Variants in ANKRD27 observed in about 807,000 individuals in gnomAD.
ANKRD27 encodes ankyrin repeat domain 27.
In ANKRD27, 112 loss-of-function variants were observed where a neutral mutation model predicts 129.7. That is an observed-to-expected ratio of 0.86 (90% confidence interval 0.74 to 1.01). The LOEUF (loss-of-function observed/expected upper bound fraction) is 1.01. ANKRD27 is among the 50% of genes least tolerant of loss of function. The pLI, the probability that ANKRD27 is intolerant of heterozygous loss-of-function variation, is 0.00. For missense variants in ANKRD27, 1,258 were observed against 1,300.5 expected (o/e 0.97, Z 0.50); for synonymous variants, 516 against 511.2 (o/e 1.01, Z -0.13).
intron 1 of ANKRD27, among the ~76,000 whole-genome samples, chr19:32,661,748 G>A (rs770076735): frequency 7.9e-5 from 12 of 152,060 alleles, no homozygotes; most frequent in Non-Finnish European, 1.6e-4. Flanking sequence ...CCCATGGTCG[G>A]CCCTGTGGAA....
chr19:32,612,430 T>C (rs1971848547), intron 22 of ANKRD27, among the ~76,000 whole-genome samples: 1 of 152,184 alleles, frequency 6.6e-6, no homozygotes, highest in Non-Finnish European at 1.5e-5. Context: ...GTGAGTAAGT[T>C]AGTAAGTAAG....
At position 32,604,295 on chromosome 19, in the gene ANKRD27, G is replaced by A. The variant is rs148470330; in HGVS notation, c.2623C>T (p.Arg875Trp). 5.8e-5 allele frequency: 94 copies of A among 1,613,388 alleles called. No individual in the cohort carries two copies. The highest frequency in any genetic ancestry group is 6.9e-5 in the Non-Finnish European group (81 of 1,179,956). ...GCACAGTCTACAGCCGTGCGCTGCC[G>A]CTTGTTCAGCACCTGAACTGACGCT... ...HGASVQVLNKRQRTAVDCAEQ... is the reference protein window; with the variant it reads ...HGASVQVLNKWQRTAVDCAEQ... Residue 875 changes from arginine (R) to tryptophan (W), a missense_variant, in exon 25 of 29, where the codon CGG becomes TGG. Transcript: ENST00000306065.
At chr19:32,603,577 C>T (rs938447216) in intron 25 of ANKRD27, among the ~76,000 whole-genome samples, 3 of 152,188 alleles carry the variant, frequency 2.0e-5, no homozygotes, top group African/African-American at 7.2e-5. Flanking sequence ...AAGTCTCTGT[C>T]ACCCAGGCTG....
chr19:32,642,868 G>A (rs1022398667), intron 9 of ANKRD27, among the ~76,000 whole-genome samples: 4 of 152,252 alleles, frequency 2.6e-5, no homozygotes, highest in South Asian at 4.2e-4. Flanking sequence ...CCCACTTGGG[G>A]ACCAGCTGCA....
chr19:32,615,790 G>T lies in ANKRD27; in HGVS notation c.2053-10C>A. On this transcript the variant is annotated splice_polypyrimidine_tract_variant and intron_variant, in intron 21 of 28. Coordinates refer to ENST00000306065, the MANE Select transcript of ANKRD27 (RefSeq NM_032139.3). ...CCAACAGGTAACGCACCTGGTGATG[G>T]AGAGTAACGGAAACAGGAACACATC... is the stretch of plus-strand genomic sequence containing the variant. 6.2e-7 allele frequency: 1 copy of T among 1,609,638 alleles called. No individual in the cohort carries two copies. The highest frequency in any genetic ancestry group is 8.5e-7 in the Non-Finnish European group (1 of 1,177,144).
chr19:32,608,844 T>A (rs1407753523), intron 22 of ANKRD27, among the ~76,000 whole-genome samples: 4 of 151,720 alleles, frequency 2.6e-5, no homozygotes, highest in African/African-American at 4.8e-5. Flanking sequence ...CCCAGCTACA[T>A]TACAGGCATG....
intron 3 of ANKRD27, among the ~76,000 whole-genome samples, chr19:32,649,312 A>G (rs1393067133): frequency 6.6e-6 from 1 of 152,188 alleles, no homozygotes; most frequent in Non-Finnish European, 1.5e-5. Flanking sequence ...TTCATCCCTG[A>G]TGTCCTATTC....
In ANKRD27 at chr19:32,639,425, T is replaced by C; in HGVS notation, c.1047A>G (p.Gly349=). ...CAGCTTCGAATGAGGTCAGGCAGTATCCCAGTTCATCCTTTGCCAAGCTGC... is the reference window on the plus strand; with the variant it reads ...CAGCTTCGAATGAGGTCAGGCAGTACCCCAGTTCATCCTTTGCCAAGCTGC... ...RFSSLAKDEL[G]YCLTSFEAAI... Residue 349 remains glycine (G), a synonymous_variant, in exon 12 of 29, where the codon GGA becomes GGG. Transcript: ENST00000306065. 1.2e-6 allele frequency: 2 copies of C among 1,614,200 alleles called. No homozygotes were observed. Among genetic ancestry groups the C allele is most frequent in the South Asian group, 2.2e-5 (2 of 91,080 alleles).
chr19:32,642,938 G>A, intron 9 of ANKRD27, 185 bp downstream of exon 9: 1 of 626,156 alleles, frequency 1.6e-6, no homozygotes, highest in Non-Finnish European at 2.8e-6. Flanking sequence ...GTGGGAGGGG[G>A]ACGGCCACAC....
chr19:32,626,101 C>A (rs1490690427), intron 16 of ANKRD27, 135 bp from the exon 17 acceptor site: 4 of 592,134 alleles, frequency 6.8e-6, no homozygotes, highest in African/African-American at 3.8e-5. Context: ...TAAACCAACA[C>A]CCATCATTCC....
Position 32,628,711 on chromosome 19 carries a change from CA to C in ANKRD27, c.1337+10del, listed in dbSNP as rs1966935565. 3 of 1,613,668 alleles carry C rather than the reference CA, an allele frequency of 1.9e-6. No homozygotes were observed. The East Asian group carries it at 6.7e-5, about 36-fold the overall frequency. On this transcript the variant is annotated intron_variant, in intron 14 of 28. Coordinates refer to ENST00000306065, the MANE Select transcript of ANKRD27 (RefSeq NM_032139.3). ...TCCTGGCACTCTGAGCCTCCACCAG[CA>C]CCCTCTTACCCAGAGACGAGTTTCT...
chr19:32,610,801 A>G (rs1971824202), intron 22 of ANKRD27, among the ~76,000 whole-genome samples: 1 of 152,028 alleles, frequency 6.6e-6, no homozygotes, highest in Non-Finnish European at 1.5e-5. Context: ...CAAAAAAGAA[A>G]AAAAAGAAGT....
intron 16 of ANKRD27, among the ~76,000 whole-genome samples, chr19:32,626,242 A>G (rs1206391166): frequency 6.6e-6 from 1 of 152,154 alleles, no homozygotes; most frequent in Non-Finnish European, 1.5e-5. Context: ...ATCATTGCTC[A>G]CTGCAGCCTC....
intron 9 of ANKRD27, 123 bp from the exon 10 acceptor site, chr19:32,642,268 A>G: frequency 1.0e-6 from 1 of 987,888 alleles, no homozygotes. Context: ...GAAACACAAA[A>G]ACAGATACTG....
At chr19:32,632,352 G>A (rs769680875) in intron 12 of ANKRD27, among the ~76,000 whole-genome samples, 4 of 151,778 alleles carry the variant, frequency 2.6e-5, no homozygotes, top group Admixed American at 2.0e-4. Flanking sequence ...TTGAGGGGCC[G>A]AGGCGCGTGG....
chr19:32,638,604 C>A, intron 12 of ANKRD27: 1 of 152,804 alleles, frequency 6.5e-6, no homozygotes, highest in South Asian at 2.0e-4. Context: ...CCTAGGAGTT[C>A]CCCGAGCCAG....
chr19:32,649,515 C>T (rs970404749), intron 3 of ANKRD27, among the ~76,000 whole-genome samples, 167 bp downstream of exon 3: 6 of 152,088 alleles, frequency 3.9e-5, no homozygotes, highest in African/African-American at 9.7e-5. Context: ...ACCTCCCTTT[C>T]CTCCACCACA....
chr19:32,624,739 A>G (rs549144594), intron 17 of ANKRD27, among the ~76,000 whole-genome samples: 7 of 151,878 alleles, frequency 4.6e-5, no homozygotes, highest in Non-Finnish European at 8.8e-5. Flanking sequence ...TCAGGAATGT[A>G]AGACCAGCCT....
chr19:32,607,599 C>T, intron 23 of ANKRD27, 36 bp downstream of exon 23: 1 of 1,598,542 alleles, frequency 6.3e-7, no homozygotes, highest in Non-Finnish European at 8.5e-7. Context: ...CCAAAGCAGA[C>T]ACCCTGCTCC....
Sources: gnomAD v4.1 joint callset for allele counts (sites outside exome capture counted in the v4.1 genomes callset) on GRCh38, gnomAD v4.1.1 for gene constraint, MANE v1.5 for transcripts, NCBI Gene and HGNC (gene_info 2026-07-23, HGNC 2026-07-21) for gene names.